Variants in FBXO36 observed in about 807,000 individuals in gnomAD.
FBXO36 encodes the protein F-box only protein 36.
Under a neutral mutation model 17.0 loss-of-function variants are expected in FBXO36, and 18 were observed. That is an observed-to-expected ratio of 1.06 (90% CI 0.73 to 1.57). The LOEUF is 1.57. Ranked by LOEUF, FBXO36 falls within the 40% of genes most tolerant of loss-of-function variation. The probability of loss-of-function intolerance (pLI) is 0.00; values close to 1 mark genes in which losing one functional copy is unlikely to be tolerated. For synonymous variants in FBXO36, 83 were observed against 85.3 expected, an observed-to-expected ratio of 0.97 and a Z score of 0.15; for missense variants, 229 against 221.9, an observed-to-expected ratio of 1.03 and a Z score of -0.20.
chr2:230,007,241 C>A (rs2077391754), intron 3 of FBXO36, among the ~76,000 whole-genome samples: 1 of 152,236 alleles, frequency 6.6e-6, no homozygotes, highest in South Asian at 2.1e-4. Flanking sequence ...ACCACCAGTG[C>A]AGCTAGATGA....
At chr2:229,951,231 C>A (rs2077056085) in intron 1 of FBXO36, among the ~76,000 whole-genome samples, 1 of 151,814 alleles carries the variant, frequency 6.6e-6, no homozygotes, top group Non-Finnish European at 1.5e-5. Context: ...CCGCGCCCGT[C>A]CCAGGCAACT....
intron 1 of FBXO36, among the ~76,000 whole-genome samples, chr2:229,962,643 T>A (rs1303433816): frequency 2.0e-5 from 3 of 151,760 alleles, no homozygotes; most frequent in Non-Finnish European, 2.9e-5. Flanking sequence ...GTGCTGGGAT[T>A]ACAAGCATGA....
intron 1 of FBXO36, among the ~76,000 whole-genome samples, chr2:229,963,575 G>C (rs979476553): frequency 1.3e-5 from 2 of 151,670 alleles, no homozygotes; most frequent in Non-Finnish European, 1.5e-5. Flanking sequence ...CTCCCGAGTA[G>C]CTGGGACTAC....
chr2:230,011,060 G>A lies in FBXO36; in HGVS notation c.*176G>A. On this transcript the variant is annotated 3_prime_UTR_variant, in exon 4 of 4. Coordinates refer to ENST00000283946, the MANE Select transcript of FBXO36 (RefSeq NM_174899.5). ...GCAGAGTCTGGCTCCCCAGTGCCTT[G>A]CTAGAGTCACCGTCATTCTGAGGTC... 3.0e-6 allele frequency: 2 copies of A among 658,174 alleles called. No homozygotes were observed. Among genetic ancestry groups the A allele is most frequent in the Non-Finnish European group, 5.0e-6 (2 of 403,470 alleles). 40.8% of individuals were successfully genotyped at this position (658,174 alleles called of 1,614,324 possible). A position where few individuals can be genotyped will look rare whatever the true frequency, so the allele number is the denominator to read the frequency against.
rs970377239 is a variant in FBXO36 at position 229,951,768 on chromosome 2, C to T, written c.97-24473C>T. The stretch of plus-strand genomic sequence containing the variant: ...GGAGCACAGGCCAAAACAATGGTCT[C>T]CCATAATTTTGTTTAACTGAAGTCA... On this transcript the variant is annotated intron_variant, in intron 1 of 3. Transcript: ENST00000283946. 2.0e-5 allele frequency among the ~76,000 whole-genome samples: 3 copies of T among 152,156 alleles called. No homozygotes were observed. The South Asian group carries it at 6.2e-4, about 31-fold the overall frequency.
chr2:229,981,481 G>A (rs573518530), intron 2 of FBXO36, among the ~76,000 whole-genome samples: 179 of 151,824 alleles, frequency 1.2e-3, no homozygotes, highest in African/African-American at 4.2e-3. Context: ...AGGCTTAAGC[G>A]GATCACTTGA....
At chr2:229,971,419 C>T (rs796465971) in intron 1 of FBXO36, among the ~76,000 whole-genome samples, 7 of 151,772 alleles carry the variant, frequency 4.6e-5, no homozygotes, top group African/African-American at 1.4e-4. Context: ...AGAGTCCCAG[C>T]AGACCTCTGG....
chr2:229,989,188 G>C lies in FBXO36; in HGVS notation c.206-7563G>C, dbSNP rs1163354525. Among the ~76,000 whole-genome samples, 5 of 152,082 alleles carry C rather than the reference G, an allele frequency of 3.3e-5. No homozygotes were observed. The East Asian group carries it at 7.7e-4, about 23-fold the overall frequency. ...GATTTCTTGACTTTCGTCAACTTTT[G>C]TATGTTGACATTCAGATCATTTTGT... On this transcript the variant is annotated intron_variant, in intron 2 of 3. Coordinates refer to ENST00000283946, the MANE Select transcript of FBXO36 (RefSeq NM_174899.5).
At chr2:229,995,590 T>G (rs1203039922) in intron 2 of FBXO36, among the ~76,000 whole-genome samples, 1 of 135,658 alleles carries the variant, frequency 7.4e-6, no homozygotes, top group Non-Finnish European at 1.6e-5. Context: ...TTCTCTTTCT[T>G]TCTTTCTTTT....
intron 1 of FBXO36, among the ~76,000 whole-genome samples, chr2:229,942,027 A>C (rs972587601): frequency 6.6e-6 from 1 of 152,154 alleles, no homozygotes; most frequent in Non-Finnish European, 1.5e-5. Flanking sequence ...AAAGAAAAAA[A>C]AAAAATTTAG....
At chr2:229,928,628 A>T (rs1391249046) in intron 1 of FBXO36, among the ~76,000 whole-genome samples, 1 of 152,232 alleles carries the variant, frequency 6.6e-6, no homozygotes, top group African/African-American at 2.4e-5. Flanking sequence ...AATATTGAAT[A>T]GCTTTGATAG....
At chr2:229,933,145 C>G (rs1437140478) in intron 1 of FBXO36, among the ~76,000 whole-genome samples, 1 of 152,132 alleles carries the variant, frequency 6.6e-6, no homozygotes, top group East Asian at 1.9e-4. Flanking sequence ...CACCTGTAAT[C>G]CATTTGGGAG....
At chr2:229,962,498 TTTTTATTTTATTTTATTTTA>T (rs150685147) in intron 1 of FBXO36, among the ~76,000 whole-genome samples, 19 of 127,378 alleles carry the variant, frequency 1.5e-4, no homozygotes, top group East Asian at 1.2e-3. Flanking sequence ...ACCTAGTTGA[TTTTTATTTTATTTTATTTTA>T]TTTTATTTTA....
chr2:230,008,384 T>C (rs1268838157), intron 3 of FBXO36, among the ~76,000 whole-genome samples: 1 of 152,222 alleles, frequency 6.6e-6, no homozygotes, highest in Non-Finnish European at 1.5e-5. Flanking sequence ...CATGGTTAGC[T>C]GGGCTTTGGA....
intron 1 of FBXO36, among the ~76,000 whole-genome samples, chr2:229,949,538 T>TACAC (rs56048655): frequency 0.65 from 97,754 of 149,342 alleles, 32,754 homozygotes; most frequent in East Asian, 0.84. Context: ...GTAAAATGTA[T>TACAC]ACACACACAC....
intron 3 of FBXO36, 144 bp downstream of exon 3, chr2:229,997,067 C>A: frequency 1.4e-6 from 1 of 720,644 alleles, no homozygotes; most frequent in Non-Finnish European, 2.3e-6. Context: ...AAATGACATT[C>A]CTCCCCTCAA....
chr2:229,942,584 G>C (rs2077005015), intron 1 of FBXO36: 1 of 152,404 alleles, frequency 6.6e-6, no homozygotes, highest in Non-Finnish European at 1.5e-5. Context: ...CATCAGGTGG[G>C]AAGGCCCTGG....
At chr2:229,945,286 G>A (rs1027191829) in intron 1 of FBXO36, 6 of 151,500 alleles carry the variant, frequency 4.0e-5, no homozygotes, top group African/African-American at 1.5e-4. Flanking sequence ...TTTAAATCAT[G>A]AATTTCTGTT....
At chr2:229,994,129 G>A (rs1334207871) in intron 2 of FBXO36, among the ~76,000 whole-genome samples, 1 of 152,040 alleles carries the variant, frequency 6.6e-6, no homozygotes, top group Admixed American at 6.6e-5. Context: ...ATTTGAGCAT[G>A]CTTTGAACAT....
Sources: allele counts gnomAD v4.1 joint callset (sites outside exome capture counted in the v4.1 genomes callset), GRCh38; gene constraint gnomAD v4.1.1; transcripts MANE v1.5; gene names NCBI Gene and HGNC (gene_info 2026-07-23, HGNC 2026-07-21).